Variants in MAPK10 observed in about 807,000 individuals in gnomAD.
MAPK10 encodes mitogen-activated protein kinase 10.
A neutral mutation model predicts 59.3 loss-of-function variants in MAPK10; 25 were observed. The ratio of observed to expected loss-of-function variants is 0.42; its 90% confidence interval spans 0.31 to 0.59. The LOEUF is 0.59. MAPK10 is among the 20% of genes least tolerant of loss of function. The pLI, the probability that MAPK10 is intolerant of heterozygous loss-of-function variation, is 0.15. For synonymous variants in MAPK10, 190 were observed against 200.5 expected (o/e 0.95, Z 0.44); for missense variants, 351 against 568.9 (o/e 0.62, Z 3.90).
intron 2 of MAPK10, among the ~76,000 whole-genome samples, chr4:86,265,533 T>C (rs1017943354): frequency 2.0e-5 from 3 of 151,432 alleles, no homozygotes; most frequent in Non-Finnish European, 4.4e-5. Context: ...AGTATTATGA[T>C]ATGGATTCAC....
At chr4:86,113,157 T>C (rs190493168) in intron 4 of MAPK10, among the ~76,000 whole-genome samples, 4 of 152,252 alleles carry the variant, frequency 2.6e-5, no homozygotes, top group Non-Finnish European at 5.9e-5. Flanking sequence ...TTGGGTCTTG[T>C]CTTTTTATCC....
chr4:86,054,432 G>C (rs766570020), intron 11 of MAPK10, among the ~76,000 whole-genome samples: 10 of 152,076 alleles, frequency 6.6e-5, no homozygotes, highest in Non-Finnish European at 7.4e-5. Flanking sequence ...CACTGGGCAA[G>C]CAAAATCTAA....
chr4:86,247,192 C>A (rs186006171), intron 2 of MAPK10, among the ~76,000 whole-genome samples: 3 of 152,298 alleles, frequency 2.0e-5, no homozygotes, highest in Admixed American at 1.3e-4. Context: ...ATACCCTCAG[C>A]CTGCTCTGTC....
chr4:86,127,679 CAA>C (rs2149131084), intron 4 of MAPK10: 1 of 152,112 alleles, frequency 6.6e-6, no homozygotes, highest in African/African-American at 2.4e-5. Context: ...CCCTGAGGCA[CAA>C]AGACTCCAGT....
intron 11 of MAPK10, among the ~76,000 whole-genome samples, chr4:86,038,637 C>G (rs1242294470): frequency 6.6e-6 from 1 of 151,816 alleles, no homozygotes; most frequent in African/African-American, 2.4e-5. Flanking sequence ...TAAAATGACT[C>G]TGATGAAGCA....
chr4:86,522,746 G>A (rs781545394), intron 1 of MAPK10, among the ~76,000 whole-genome samples: 1 of 152,118 alleles, frequency 6.6e-6, no homozygotes, highest in Admixed American at 6.5e-5. Flanking sequence ...GCTACACATA[G>A]ATCCTCTTTT....
At chr4:86,086,434 T>C (rs529481553) in intron 9 of MAPK10, among the ~76,000 whole-genome samples, 5 of 152,256 alleles carry the variant, frequency 3.3e-5, no homozygotes, top group African/African-American at 9.6e-5. Flanking sequence ...AAAGGATAAA[T>C]ACTTGAGGGA....
intron 2 of MAPK10, among the ~76,000 whole-genome samples, chr4:86,196,300 G>T (rs12500076): frequency 0.019 from 2,932 of 152,100 alleles, 45 homozygotes; most frequent in South Asian, 0.065. Context: ...GTTTTGATTT[G>T]CATTTCTCTA....
intron 1 of MAPK10, among the ~76,000 whole-genome samples, chr4:86,590,304 A>C (rs1762944949): frequency 6.6e-6 from 1 of 152,152 alleles, no homozygotes; most frequent in Non-Finnish European, 1.5e-5. Context: ...GCCTGTACCT[A>C]GTTGACTGCT....
At chr4:86,564,166 C>T (rs1760892929) in intron 1 of MAPK10, among the ~76,000 whole-genome samples, 1 of 152,128 alleles carries the variant, frequency 6.6e-6, no homozygotes, top group Non-Finnish European at 1.5e-5. Context: ...TGGAATTTTC[C>T]ATTTACTATT....
chr4:86,023,850 TAA>T (rs1469739334), intron 13 of MAPK10: 2 of 112,762 alleles, frequency 1.8e-5, no homozygotes, highest in Non-Finnish European at 3.6e-5. Flanking sequence ...TATATATATA[TAA>T]AATGAATGTT....
intron 4 of MAPK10, among the ~76,000 whole-genome samples, chr4:86,136,488 G>C (rs376277769): frequency 1.3e-4 from 20 of 149,868 alleles, no homozygotes; most frequent in Admixed American, 2.6e-4. Context: ...CAAATGCTGA[G>C]AGATTTTGTC....
chr4:86,483,428 C>G (rs1360266061), intron 1 of MAPK10, among the ~76,000 whole-genome samples: 2 of 152,058 alleles, frequency 1.3e-5, no homozygotes, highest in Non-Finnish European at 2.9e-5. Flanking sequence ...ATAATTACTT[C>G]TACTGATAAG....
At chr4:86,175,948 G>A (rs565181577) in intron 3 of MAPK10, 27 of 152,152 alleles carry the variant, frequency 1.8e-4, no homozygotes, top group South Asian at 6.2e-4. Context: ...TTTATTGAAT[G>A]AGTTAGACAT....
chr4:86,139,463 G>C (rs924374559), intron 4 of MAPK10, among the ~76,000 whole-genome samples: 1 of 150,958 alleles, frequency 6.6e-6, no homozygotes. Context: ...ATGGTGCTGG[G>C]AAAACTGGCT....
intron 1 of MAPK10, among the ~76,000 whole-genome samples, chr4:86,401,160 G>A (rs1436343657): frequency 6.6e-6 from 1 of 152,088 alleles, no homozygotes; most frequent in Non-Finnish European, 1.5e-5. Context: ...TAAATTTTGA[G>A]TCAAAACACA....
intron 4 of MAPK10, among the ~76,000 whole-genome samples, chr4:86,146,538 A>T (rs990011066): frequency 6.6e-6 from 1 of 152,144 alleles, no homozygotes; most frequent in Non-Finnish European, 1.5e-5. Context: ...TAGCCATTTA[A>T]CAGAGTTCTA....
intron 4 of MAPK10, among the ~76,000 whole-genome samples, chr4:86,137,025 A>C (rs989541209): frequency 1.0e-3 from 154 of 152,060 alleles, no homozygotes; most frequent in African/African-American, 3.5e-3. Flanking sequence ...GAGCACCCAG[A>C]TTCATAAAGC....
At chr4:86,384,744 CAA>C (rs1294967683) in intron 1 of MAPK10, among the ~76,000 whole-genome samples, 1 of 152,132 alleles carries the variant, frequency 6.6e-6, no homozygotes, top group Non-Finnish European at 1.5e-5. Flanking sequence ...TACAAGCTGA[CAA>C]AAGTGTTTTA....
Sources: allele counts gnomAD v4.1 joint callset (sites outside exome capture counted in the v4.1 genomes callset), GRCh38; gene constraint gnomAD v4.1.1; transcripts MANE v1.5; gene names NCBI Gene and HGNC (gene_info 2026-07-23, HGNC 2026-07-21).